TENM4: variants seen among roughly 807,000 people sequenced by gnomAD.
The protein encoded by TENM4 is teneurin transmembrane protein 4.
In TENM4, 82 loss-of-function variants were observed where a neutral mutation model predicts 243.3. The observed-to-expected ratio is 0.34, with a 90% CI of 0.28 to 0.40. The LOEUF (loss-of-function observed/expected upper bound fraction) is 0.40, where lower values mean the gene tolerates loss of function less well. Ranked by LOEUF, TENM4 falls within the 10% of genes least tolerant of loss-of-function variation. TENM4 has a pLI of 1.00. For synonymous variants in TENM4, 1,412 were observed against 1,456.3 expected, an observed-to-expected ratio of 0.97 and a Z score of 0.69; for missense variants, 3,138 against 3,673.3, an observed-to-expected ratio of 0.85 and a Z score of 3.77.
intron 28 of TENM4, among the ~76,000 whole-genome samples, chr11:78,697,589 T>G (rs1345768788): frequency 6.6e-6 from 1 of 152,202 alleles, no homozygotes; most frequent in Non-Finnish European, 1.5e-5. Flanking sequence ...ATATCTTTTC[T>G]TCCTGTCTCT....
chr11:78,686,525 G>A (rs994828660), intron 29 of TENM4, among the ~76,000 whole-genome samples: 37 of 142,486 alleles, frequency 2.6e-4, no homozygotes, highest in Middle Eastern at 3.3e-3. Context: ...TGTGACTGGT[G>A]TCTGAAGTAT....
chr11:78,860,706 T>C (rs1858798451), intron 10 of TENM4, among the ~76,000 whole-genome samples: 1 of 152,186 alleles, frequency 6.6e-6, no homozygotes, highest in Non-Finnish European at 1.5e-5. Context: ...TGTCCTCTGG[T>C]TTCCAGTCTG....
At chr11:79,435,176 T>C (rs1252616440) in intron 1 of TENM4, among the ~76,000 whole-genome samples, 1 of 152,144 alleles carries the variant, frequency 6.6e-6, no homozygotes, top group Admixed American at 6.5e-5. Flanking sequence ...TTCTCTGTAA[T>C]GCCTGAATTT....
At chr11:78,911,830 A>C (rs953687686) in intron 6 of TENM4, among the ~76,000 whole-genome samples, 3 of 152,258 alleles carry the variant, frequency 2.0e-5, no homozygotes, top group African/African-American at 7.2e-5. Context: ...TCTTTTCTTT[A>C]GAAATTACCC....
chr11:79,123,248 C>A (rs915478402), intron 4 of TENM4, among the ~76,000 whole-genome samples: 1 of 152,068 alleles, frequency 6.6e-6, no homozygotes, highest in Admixed American at 6.6e-5. Flanking sequence ...TAATCCTGGG[C>A]GTTATTGAGC....
At chr11:78,753,993 T>A (rs1241757652) in intron 19 of TENM4, among the ~76,000 whole-genome samples, 4 of 152,208 alleles carry the variant, frequency 2.6e-5, no homozygotes, top group Non-Finnish European at 5.9e-5. Context: ...TAAAATTAGG[T>A]AAAATAGATA....
intron 6 of TENM4, among the ~76,000 whole-genome samples, chr11:78,937,092 T>C (rs552734056): frequency 3.0e-4 from 45 of 152,352 alleles, no homozygotes; most frequent in Middle Eastern, 3.4e-3. Context: ...GCATCTGTGA[T>C]GTTATTGTTT....
At chr11:79,049,008 A>G (rs1196636073) in intron 6 of TENM4, among the ~76,000 whole-genome samples, 1 of 152,196 alleles carries the variant, frequency 6.6e-6, no homozygotes, top group African/African-American at 2.4e-5. Context: ...GTTACCCAGA[A>G]GAGTCCTCAG....
chr11:78,756,027 G>T (rs1342022857), intron 19 of TENM4, among the ~76,000 whole-genome samples: 1 of 152,146 alleles, frequency 6.6e-6, no homozygotes, highest in Non-Finnish European at 1.5e-5. Flanking sequence ...AGAGATTAGA[G>T]AGCTATTTTG....
intron 1 of TENM4, among the ~76,000 whole-genome samples, chr11:79,302,374 G>A (rs17138016): frequency 0.022 from 3,364 of 152,220 alleles, 133 homozygotes; most frequent in African/African-American, 0.076. Flanking sequence ...AGTATCTCAA[G>A]AAGTCCATGT....
intron 1 of TENM4, among the ~76,000 whole-genome samples, chr11:79,413,690 C>G (rs937187986): frequency 6.6e-6 from 1 of 151,992 alleles, no homozygotes; most frequent in African/African-American, 2.4e-5. Flanking sequence ...AAAAAAAAAG[C>G]CATAAAAACA....
chr11:78,759,410 G>T (rs1856384526), intron 18 of TENM4, among the ~76,000 whole-genome samples: 1 of 152,220 alleles, frequency 6.6e-6, no homozygotes, highest in African/African-American at 2.4e-5. Flanking sequence ...ATCCCAGTGA[G>T]CAGGGACATT....
intron 6 of TENM4, among the ~76,000 whole-genome samples, chr11:79,061,183 C>T (rs937790093): frequency 2.5e-4 from 38 of 152,112 alleles, no homozygotes; most frequent in African/African-American, 8.4e-4. Flanking sequence ...GGAACCTGAA[C>T]CTAATCAGTG....
At position 79,215,728 on chromosome 11, in the gene TENM4, A is replaced by C. The variant is rs1400906087; in HGVS notation, c.-163+80T>G. On this transcript the variant is annotated intron_variant, in intron 3 of 33. Transcript: ENST00000278550. ...CCAACCAAAAAACATGCAAATGTTC[A>C]GAGTCTGAGATTGCATTTCTCATCA... is the stretch of plus-strand genomic sequence containing the variant. The C allele has an allele frequency of 8.2e-6, 8 of 978,102 alleles. No homozygotes were observed. In the South Asian group the frequency reaches 2.4e-4, roughly 29 times the overall value. 60.6% of individuals were successfully genotyped at this position (978,102 alleles called of 1,614,324 possible). A position where few individuals can be genotyped will look rare whatever the true frequency, so the allele number is the denominator to read the frequency against.
intron 3 of TENM4, among the ~76,000 whole-genome samples, chr11:79,172,666 C>CTTTT (rs71457503): frequency 1.5e-5 from 2 of 137,744 alleles, no homozygotes; most frequent in East Asian, 2.1e-4. Context: ...TTTTCTGTTC[C>CTTTT]TTTTTTTTTT....
At chr11:79,144,013 A>C (rs937956410) in intron 4 of TENM4, among the ~76,000 whole-genome samples, 2 of 152,114 alleles carry the variant, frequency 1.3e-5, no homozygotes, top group African/African-American at 4.8e-5. Flanking sequence ...GTAAAGAGAC[A>C]ACCCACAGAA....
Position 78,701,765 on chromosome 11 carries a change from G to A in TENM4, c.4848C>T (p.Gly1616=), listed in dbSNP as rs776325539. The part of the protein sequence containing the change: ...YLYNFTYTGD[G]DITLITDNNG... ...TGTTGTCTGTGATGAGTGTGATGTC[G>A]CCGTCCCCAGTGTAGGTGAAGTTGT... is the stretch of plus-strand genomic sequence containing the variant. Residue 1616 remains glycine, a synonymous_variant, in exon 28 of 34, where the codon GGC becomes GGT. Coordinates refer to ENST00000278550, the MANE Select transcript of TENM4 (RefSeq NM_001098816.3). The A allele has an allele frequency of 5.5e-5, 88 of 1,613,798 alleles. No individual in the cohort carries two copies. The highest frequency in any genetic ancestry group is 6.7e-5 in the African/African-American group (5 of 74,890).
At chr11:78,898,680 T>G (rs115843702) in intron 7 of TENM4, among the ~76,000 whole-genome samples, 14 of 152,298 alleles carry the variant, frequency 9.2e-5, no homozygotes, top group African/African-American at 3.4e-4. Context: ...GTATACATAT[T>G]CATTCATTTA....
At chr11:79,125,587 A>C (rs1429617655) in intron 4 of TENM4, among the ~76,000 whole-genome samples, 1 of 152,162 alleles carries the variant, frequency 6.6e-6, no homozygotes, top group Non-Finnish European at 1.5e-5. Context: ...GACCCTGATG[A>C]AGCTGGGGAT....
Sources: allele counts gnomAD v4.1 joint callset (sites outside exome capture counted in the v4.1 genomes callset), GRCh38; gene constraint gnomAD v4.1.1; transcripts MANE v1.5; gene names NCBI Gene and HGNC (gene_info 2026-07-23, HGNC 2026-07-21).